Variants in RPS16 observed in about 807,000 individuals in gnomAD.
The protein encoded by RPS16 is small ribosomal subunit protein uS9.
In RPS16, 2 loss-of-function variants were observed where a neutral mutation model predicts 20.1. The observed-to-expected ratio is 0.10, with a 90% CI of 0.04 to 0.31. The LOEUF (loss-of-function observed/expected upper bound fraction) is 0.31, where lower values mean the gene tolerates loss of function less well. Ranked by LOEUF, RPS16 falls within the 10% of genes least tolerant of loss-of-function variation. RPS16 has a pLI of 1.00. For synonymous variants in RPS16, 95 were observed against 76.1 expected (o/e 1.25, Z -1.29); for missense variants, 129 against 198.6 (o/e 0.65, Z 2.11).
chr19:39,433,621 C>G (rs2078842766), intron 3 of RPS16, 44 bp downstream of exon 3: 1 of 1,614,072 alleles, frequency 6.2e-7, no homozygotes, highest in African/African-American at 1.3e-5. Flanking sequence ...GAAGGCCTCC[C>G]TCCCAGAGCC....
rs779444898 is a variant in RPS16, at chr19:39,435,903, A to G, written c.-8T>C. On this transcript the variant is annotated 5_prime_UTR_variant, in exon 1 of 5. Transcript: ENST00000251453. ...CGGGCCCTTGGACGGCATGGCTCCG[A>G]GCGTGGACTAGACAACCTCACCGCG... 1.2e-6 allele frequency: 2 copies of G among 1,604,348 alleles called. No individual in the cohort carries two copies. Among genetic ancestry groups the G allele is most frequent in the Non-Finnish European group, 1.7e-6 (2 of 1,179,946 alleles).
chr19:39,433,498 T>C (rs1236352624), intron 4 of RPS16, 24 bp downstream of exon 4: 7 of 1,613,224 alleles, frequency 4.3e-6, no homozygotes, highest in African/African-American at 2.7e-5. Flanking sequence ...ATCTACCTCA[T>C]GGGAAGGACC....
In RPS16 at chr19:39,433,423, CAAG is replaced by C. The variant is rs2078840982; in HGVS notation, c.296-8_296-6del. 6.2e-7 allele frequency: 1 copy of C among 1,614,040 alleles called. No homozygotes were observed. Among genetic ancestry groups the C allele is most frequent in the Non-Finnish European group, 8.5e-7 (1 of 1,179,974 alleles). ...TCTTGGAAGCCTCATCCACATCTGG[CAAG>C]AAGAGCAGGGACGAGGATTTAGATA... On this transcript the variant is annotated splice_polypyrimidine_tract_variant and splice_region_variant and intron_variant, in intron 4 of 4. Transcript: ENST00000251453.
chr19:39,433,242 T>C lies in RPS16; in HGVS notation c.*31A>G. On this transcript the variant is annotated 3_prime_UTR_variant, in exon 5 of 5. Transcript: ENST00000251453. ...TTTAAAATCCCTCAAAAACTGTTTA[T>C]TATACAAGTGAGTTTTGAGTCACGA... 6.2e-7 allele frequency: 1 copy of C among 1,609,984 alleles called. No individual in the cohort carries two copies. Among genetic ancestry groups the C allele is most frequent in the South Asian group, 1.1e-5 (1 of 90,860 alleles).
At position 39,433,178 on chromosome 19, in the gene RPS16, C is replaced by A. The variant is rs555753240; in HGVS notation, c.*95G>T. 1.1e-5 allele frequency: 15 copies of A among 1,317,712 alleles called. No homozygotes were observed. In the East Asian group the frequency reaches 3.5e-4, roughly 30 times the overall value. The allele number at this position is 1,317,712 out of a possible 1,614,324, so 81.6% of individuals were successfully genotyped here. ...TACTGATTTCTGTCTGGTTAAACAT[C>A]CAATACCAACACATAAGGCCACACA... On this transcript the variant is annotated 3_prime_UTR_variant, in exon 5 of 5. Coordinates refer to ENST00000251453, the MANE Select transcript of RPS16 (RefSeq NM_001020.6).
rs868502048 is a variant in RPS16 at position 39,433,708 on chromosome 19, G to A, written c.204C>T (p.Ile68=). The change falls in exon 3 of 5, where the codon ATC becomes ATT. Residue 68 remains isoleucine (I), a synonymous_variant. Coordinates refer to ENST00000251453, the MANE Select transcript of RPS16 (RefSeq NM_001020.6). ...LGKERFAGVD[I]RVRVKGGGHV... ...GACCACCACCCTTTACACGGACACG[G>A]ATGTCTACACCAGCAAATCGCTCCT... is the stretch of plus-strand genomic sequence containing the variant. 1 of 1,614,140 alleles carries A rather than the reference G, an allele frequency of 6.2e-7. No individual in the cohort carries two copies.
At chr19:39,434,536 G>A (rs1271950370) in intron 2 of RPS16, 3 of 152,370 alleles carry the variant, frequency 2.0e-5, no homozygotes, top group East Asian at 3.9e-4. Flanking sequence ...GGAAATCTCA[G>A]AATTTTTATT....
intron 2 of RPS16, chr19:39,434,337 C>T (rs962532500): frequency 1.3e-5 from 2 of 158,732 alleles, no homozygotes; most frequent in African/African-American, 4.8e-5. Flanking sequence ...CCAGTTCTGA[C>T]CACTTTGGAT....
chr19:39,435,916 C>T lies in RPS16; in HGVS notation c.-21G>A, dbSNP rs755646812. 25 of 1,603,334 alleles carry T rather than the reference C, an allele frequency of 1.6e-5. No individual in the cohort carries two copies. Among genetic ancestry groups the T allele is most frequent in the Non-Finnish European group, 2.0e-5 (24 of 1,179,916 alleles). Reference sequence around the variant, plus strand: ...GGCATGGCTCCGAGCGTGGACTAGACAACCTCACCGCGCGGCGCCGCAACC... The same window carrying T: ...GGCATGGCTCCGAGCGTGGACTAGATAACCTCACCGCGCGGCGCCGCAACC... On this transcript the variant is annotated 5_prime_UTR_variant, in exon 1 of 5. Coordinates refer to ENST00000251453, the MANE Select transcript of RPS16 (RefSeq NM_001020.6).
chr19:39,435,566 G>A (rs773934604), intron 2 of RPS16, 41 bp downstream of exon 2: 21 of 1,531,248 alleles, frequency 1.4e-5, no homozygotes, highest in Middle Eastern at 2.2e-4. Flanking sequence ...CTGTCTCCAA[G>A]AGTCCTCCAT....
Position 39,433,197 on chromosome 19 carries a change from C to A in RPS16, c.*76G>T. 6.9e-7 allele frequency: 1 copy of A among 1,449,948 alleles called. No homozygotes were observed. The allele number at this position is 1,449,948 out of a possible 1,614,324, so 89.8% of individuals were successfully genotyped here. On this transcript the variant is annotated 3_prime_UTR_variant, in exon 5 of 5. Transcript: ENST00000251453. ...AAACATCCAATACCAACACATAAGGCCACACACAGTTCTTGAAACTTTAAA... is the reference window on the plus strand; with the variant it reads ...AAACATCCAATACCAACACATAAGGACACACACAGTTCTTGAAACTTTAAA...
rs1600680023 is a variant in RPS16, at chr19:39,435,917, A to G, written c.-22T>C. The G allele has an allele frequency of 6.2e-7, 1 of 1,603,138 alleles. No homozygotes were observed. The highest frequency in any genetic ancestry group is 8.5e-7 in the Non-Finnish European group (1 of 1,179,924). On this transcript the variant is annotated 5_prime_UTR_variant, in exon 1 of 5. Transcript: ENST00000251453. The stretch of plus-strand genomic sequence containing the variant: ...GCATGGCTCCGAGCGTGGACTAGAC[A>G]ACCTCACCGCGCGGCGCCGCAACCG...
intron 2 of RPS16, chr19:39,434,138 C>G (rs1486034076): frequency 3.9e-5 from 10 of 259,724 alleles, no homozygotes; most frequent in Non-Finnish European, 7.6e-5. Flanking sequence ...CGAAAGCCAT[C>G]CCTGGACTGT....
intron 2 of RPS16, chr19:39,434,933 A>G (rs2078851897): frequency 6.6e-6 from 1 of 152,276 alleles, no homozygotes; most frequent in Non-Finnish European, 1.5e-5. Flanking sequence ...GTTTCTTTCC[A>G]TTCTGAGCCA....
At chr19:39,435,397 CA>C in intron 2 of RPS16, 1 of 557,982 alleles carries the variant, frequency 1.8e-6, no homozygotes, top group Non-Finnish European at 3.2e-6. Context: ...GTTCTCAAAG[CA>C]AACCCTTAAT....
At position 39,435,936 on chromosome 19, in the gene RPS16, G is replaced by A. The variant is rs764078178; in HGVS notation, c.-41C>T. 9.4e-6 allele frequency: 15 copies of A among 1,601,504 alleles called. No individual in the cohort carries two copies. The African/African-American group carries it at 1.3e-4, about 14-fold the overall frequency. ...CTAGACAACCTCACCGCGCGGCGCC[G>A]CAACCGGAAAAGGAAAGCTAGGGGC... On this transcript the variant is annotated 5_prime_UTR_variant, in exon 1 of 5. Transcript: ENST00000251453.
chr19:39,435,590 G>A lies in RPS16; in HGVS notation c.150+17C>T, dbSNP rs2078857070. ...AGAGTCCTCCATCCACTCAACGCCG[G>A]TGCCGGATCCCAGCACCTTGTACTG... On this transcript the variant is annotated intron_variant, in intron 2 of 4. Coordinates refer to ENST00000251453, the MANE Select transcript of RPS16 (RefSeq NM_001020.6). 3 of 1,607,078 alleles carry A rather than the reference G, an allele frequency of 1.9e-6. No individual in the cohort carries two copies. Among genetic ancestry groups the A allele is most frequent in the African/African-American group, 1.3e-5 (1 of 74,822 alleles).
At chr19:39,435,779 T>G in intron 1 of RPS16, 69 bp downstream of exon 1, 1 of 1,607,356 alleles carries the variant, frequency 6.2e-7, no homozygotes, top group African/African-American at 1.3e-5. Context: ...CCTAGATTCC[T>G]GCCCACCGAC....
At chr19:39,433,996 G>C (rs543528339) in intron 2 of RPS16, 6 of 509,006 alleles carry the variant, frequency 1.2e-5, no homozygotes, top group Admixed American at 3.2e-5. Context: ...AAGGGAACAA[G>C]ATCTGGGCTC....
Sources: gnomAD v4.1 joint callset for allele counts on GRCh38, gnomAD v4.1.1 for gene constraint, MANE v1.5 for transcripts, NCBI Gene and HGNC (gene_info 2026-07-23, HGNC 2026-07-21) for gene names.